ENPP6: variants seen among roughly 807,000 people sequenced by gnomAD.
The protein encoded by ENPP6 is glycerophosphocholine cholinephosphodiesterase ENPP6.
Under a neutral mutation model 42.0 loss-of-function variants are expected in ENPP6, and 32 were observed. The ratio of observed to expected loss-of-function variants is 0.76; its 90% CI spans 0.58 to 1.02. ENPP6 has a LOEUF of 1.02. Among genes scored for constraint, ENPP6 ranks in the 50% least tolerant of loss-of-function variants. The pLI is 0.00. For synonymous variants in ENPP6, 213 were observed against 216.0 expected, an observed-to-expected ratio of 0.99 and a Z score of 0.12; for missense variants, 552 against 566.8, an observed-to-expected ratio of 0.97 and a Z score of 0.27.
chr4:184,112,982 G>C (rs989586891), intron 5 of ENPP6, among the ~76,000 whole-genome samples, 173 bp from the exon 6 acceptor site: 11 of 152,186 alleles, frequency 7.2e-5, no homozygotes, highest in Non-Finnish European at 1.6e-4. Context: ...CAAAAAGCAA[G>C]GTGGCTTCAT....
chr4:184,207,862 A>T (rs549758774), intron 1 of ENPP6, among the ~76,000 whole-genome samples: 8 of 152,254 alleles, frequency 5.3e-5, no homozygotes, highest in African/African-American at 1.9e-4. Flanking sequence ...TGTTAGCAGC[A>T]TTGGTGTCTC....
At chr4:184,098,618 C>T (rs928627853) in intron 6 of ENPP6, among the ~76,000 whole-genome samples, 1 of 152,198 alleles carries the variant, frequency 6.6e-6, no homozygotes, top group African/African-American at 2.4e-5. Context: ...ACCACTCTTC[C>T]TTTGGGATGG....
chr4:184,194,726 C>T (rs933748767), intron 1 of ENPP6, among the ~76,000 whole-genome samples: 4 of 152,154 alleles, frequency 2.6e-5, no homozygotes, highest in African/African-American at 9.7e-5. Context: ...GGTGGCAGAA[C>T]CCACACGGGA....
chr4:184,162,576 A>AAGG (rs1553998051), intron 1 of ENPP6, among the ~76,000 whole-genome samples: 55 of 145,436 alleles, frequency 3.8e-4, no homozygotes, highest in Middle Eastern at 3.5e-3. Flanking sequence ...AGGAAGGAAG[A>AAGG]AAGGAAGGAA....
chr4:184,178,722 T>A (rs546536907), intron 1 of ENPP6, among the ~76,000 whole-genome samples: 8 of 152,304 alleles, frequency 5.3e-5, no homozygotes, highest in African/African-American at 1.9e-4. Flanking sequence ...AGCCAATATT[T>A]AACATTCTTA....
chr4:184,185,872 G>C (rs1241480494), intron 1 of ENPP6, among the ~76,000 whole-genome samples: 2 of 152,164 alleles, frequency 1.3e-5, no homozygotes, highest in Non-Finnish European at 2.9e-5. Flanking sequence ...TTTGGCCATT[G>C]AGAAAACCTG....
chr4:184,199,883 C>T (rs1030155357), intron 1 of ENPP6, among the ~76,000 whole-genome samples: 2 of 152,228 alleles, frequency 1.3e-5, no homozygotes, highest in African/African-American at 4.8e-5. Context: ...AAGAACCTCT[C>T]TATGGTATTT....
At chr4:184,163,109 C>T (rs532940120) in intron 1 of ENPP6, among the ~76,000 whole-genome samples, 30 of 152,276 alleles carry the variant, frequency 2.0e-4, no homozygotes, top group African/African-American at 5.3e-4. Flanking sequence ...AATCCTAAGA[C>T]GTGGATTTTT....
intron 1 of ENPP6, among the ~76,000 whole-genome samples, chr4:184,191,677 T>G (rs1041168897): frequency 3.3e-5 from 5 of 152,236 alleles, no homozygotes; most frequent in Non-Finnish European, 7.3e-5. Flanking sequence ...CTAACGTGAC[T>G]GTAAAGATCA....
At chr4:184,131,875 A>G (rs1439723189) in intron 2 of ENPP6, among the ~76,000 whole-genome samples, 1 of 152,084 alleles carries the variant, frequency 6.6e-6, no homozygotes, top group African/African-American at 2.4e-5. Flanking sequence ...TTCCACAATT[A>G]TGGAGGCTGA....
At chr4:184,185,367 AACATCT>A (rs1420596343) in intron 1 of ENPP6, among the ~76,000 whole-genome samples, 1 of 152,158 alleles carries the variant, frequency 6.6e-6, no homozygotes, top group African/African-American at 2.4e-5. Context: ...TCCCACGGGC[AACATCT>A]ACAACCAAAT....
At chr4:184,169,548 C>T (rs1737423297) in intron 1 of ENPP6, among the ~76,000 whole-genome samples, 1 of 152,350 alleles carries the variant, frequency 6.6e-6, no homozygotes, top group East Asian at 1.9e-4. Context: ...TTGCCTGTCC[C>T]TGGCTCCTCT....
chr4:184,121,910 A>C (rs764518377), intron 3 of ENPP6, among the ~76,000 whole-genome samples: 12 of 152,216 alleles, frequency 7.9e-5, no homozygotes, highest in Non-Finnish European at 1.6e-4. Context: ...TGTTCTAATA[A>C]TAACACACAG....
At chr4:184,162,558 A>G (rs140614729) in intron 1 of ENPP6, among the ~76,000 whole-genome samples, 3,300 of 12,756 alleles carry the variant, frequency 0.26, 136 homozygotes, top group African/African-American at 0.31. Context: ...GAAGGAAGGA[A>G]AGAAGGAAGG....
rs546076484 is a variant in ENPP6, at chr4:184,154,349, A to G, written c.242-616T>C. Among the ~76,000 whole-genome samples, 73 of 152,364 alleles carry G rather than the reference A, an allele frequency of 4.8e-4. 1 individual carries two copies. Among genetic ancestry groups the G allele is most frequent in the Admixed American group, 4.7e-3 (72 of 15,298 alleles). ...GAGCACAGCTTAGTCCCAGAAGACA[A>G]GCCAGAAGTGAGAGACGCAAACGCT... On this transcript the variant is annotated intron_variant, in intron 1 of 7. Transcript: ENST00000296741.
chr4:184,165,960 T>C (rs1459397017), intron 1 of ENPP6, among the ~76,000 whole-genome samples: 1 of 152,246 alleles, frequency 6.6e-6, no homozygotes, highest in African/African-American at 2.4e-5. Flanking sequence ...GTTTAGACCC[T>C]GCTTAGATTA....
chr4:184,159,501 T>C (rs1383200854), intron 1 of ENPP6, among the ~76,000 whole-genome samples: 1 of 152,230 alleles, frequency 6.6e-6, no homozygotes, highest in African/African-American at 2.4e-5. Flanking sequence ...TAGTGATAAA[T>C]AGTCCTAGTG....
intron 2 of ENPP6, among the ~76,000 whole-genome samples, chr4:184,132,212 G>A (rs1736648864): frequency 1.3e-5 from 2 of 152,056 alleles, no homozygotes; most frequent in South Asian, 2.1e-4. Context: ...TTAATCTGGG[G>A]ACCCCTCTAC....
In ENPP6 at chr4:184,090,735, C is replaced by T. The variant is rs1735774264; in HGVS notation, c.*442G>A. On this transcript the variant is annotated 3_prime_UTR_variant, in exon 8 of 8. Transcript: ENST00000296741. ...TGGAAGGAACAGTACAGGATTGTGG[C>T]CACAGACACTGAGGATGGCTCCTGG... is the stretch of plus-strand genomic sequence containing the variant. 3.1e-6 allele frequency: 1 copy of T among 326,544 alleles called. No individual in the cohort carries two copies. The allele number at this position is 326,544 out of a possible 1,614,324, so 20.2% of individuals were successfully genotyped here.
Sources: allele counts gnomAD v4.1 joint callset (sites outside exome capture counted in the v4.1 genomes callset), GRCh38; gene constraint gnomAD v4.1.1; transcripts MANE v1.5; gene names NCBI Gene and HGNC (gene_info 2026-07-23, HGNC 2026-07-21).